RPS6KA2: variants seen among roughly 807,000 people sequenced by gnomAD.
RPS6KA2 encodes the protein ribosomal protein S6 kinase A2, also known as ribosomal protein S6 kinase alpha-2.
In RPS6KA2, 42 loss-of-function variants were observed where a neutral mutation model predicts 91.8. The observed-to-expected ratio is 0.46, with a 90% CI of 0.36 to 0.59. The LOEUF is 0.59. RPS6KA2 is among the 20% of genes least tolerant of loss of function. RPS6KA2 has a pLI of 0.00. For synonymous variants in RPS6KA2, 414 were observed against 393.6 expected (o/e 1.05, Z -0.61); for missense variants, 798 against 978.5 (o/e 0.82, Z 2.46).
rs1779359990 is a variant in RPS6KA2, at chr6:166,437,409, C to T, written c.1333-4919G>A. 6.6e-6 allele frequency among the ~76,000 whole-genome samples: 1 copy of T among 152,190 alleles called. No individual in the cohort carries two copies. Among genetic ancestry groups the T allele is most frequent in the African/African-American group, 2.4e-5 (1 of 41,442 alleles). Reference sequence around the variant, plus strand: ...AAGCGTGGTGATGAACAAGGCCTCCCCTCCAGGCTGACGCTCAAATAATGC... The same window carrying T: ...AAGCGTGGTGATGAACAAGGCCTCCTCTCCAGGCTGACGCTCAAATAATGC... On this transcript the variant is annotated intron_variant, in intron 14 of 20. Transcript: ENST00000265678. This position sits in a 1 kb window ranked among gnomAD's most constrained non-coding sequence, Gnocchi z 4.3.
At chr6:166,619,582 T>G (rs1786550204) in intron 1 of RPS6KA2, among the ~76,000 whole-genome samples, 1 of 152,192 alleles carries the variant, frequency 6.6e-6, no homozygotes, top group Non-Finnish European at 1.5e-5. Context: ...TGGCCTGAAG[T>G]CTTAAGGCTC....
intron 16 of RPS6KA2, among the ~76,000 whole-genome samples, chr6:166,427,256 T>C (rs1363539372): frequency 1.3e-5 from 2 of 151,590 alleles, no homozygotes; most frequent in African/African-American, 4.8e-5. Context: ...CAACAACCCT[T>C]CATGCTAAAA....
At chr6:166,679,866 G>A (rs1039427114) in intron 2 of RPS6KA2, among the ~76,000 whole-genome samples, 4 of 152,238 alleles carry the variant, frequency 2.6e-5, no homozygotes, top group East Asian at 1.9e-4. Context: ...GTTGGCCAGC[G>A]CCTGCTGGGC....
At chr6:166,487,922 T>C (rs1409061247) in intron 10 of RPS6KA2, among the ~76,000 whole-genome samples, 1 of 152,198 alleles carries the variant, frequency 6.6e-6, no homozygotes, top group Non-Finnish European at 1.5e-5. Flanking sequence ...AATGCAAAAG[T>C]TCCCTGCAAT....
intron 2 of RPS6KA2, among the ~76,000 whole-genome samples, chr6:166,738,642 T>G (rs1266178885): frequency 6.6e-6 from 1 of 152,192 alleles, no homozygotes; most frequent in African/African-American, 2.4e-5. Context: ...GTTACCAGTA[T>G]TGTTCCCATT....
rs75168339 is a variant in RPS6KA2, at chr6:166,655,427, C to G, written c.124-116643G>C. Among the ~76,000 whole-genome samples the G allele has an allele frequency of 2.7e-3, 415 of 152,238 alleles. 2 individuals carry two copies. Among genetic ancestry groups the G allele is most frequent in the African/African-American group, 9.7e-3 (404 of 41,508 alleles). On this transcript the variant is annotated intron_variant, in intron 2 of 21. Transcript: ENST00000503859. The stretch of plus-strand genomic sequence containing the variant: ...ATGATGTCATGTGTGCAAAGTAGTA[C>G]AAACAGGTCAGGGAACAAACAGAGC...
At chr6:166,611,024 A>G (rs973378053) in intron 1 of RPS6KA2, among the ~76,000 whole-genome samples, 3 of 152,242 alleles carry the variant, frequency 2.0e-5, no homozygotes, top group African/African-American at 7.2e-5. Flanking sequence ...AAATACCCTG[A>G]AAGGATAAAA....
At chr6:166,541,949 A>G (rs573289164) in intron 1 of RPS6KA2, among the ~76,000 whole-genome samples, 1 of 152,308 alleles carries the variant, frequency 6.6e-6, no homozygotes, top group East Asian at 1.9e-4. Context: ...ACCGCAAAGC[A>G]TCTGAGGCGT....
intron 2 of RPS6KA2, among the ~76,000 whole-genome samples, chr6:166,725,774 C>T (rs1184708123): frequency 4.6e-5 from 7 of 152,208 alleles, no homozygotes; most frequent in East Asian, 3.8e-4. Context: ...TGGACGTTCC[C>T]GACCTGCCCC....
chr6:166,792,642 A>G (rs1779121905), intron 2 of RPS6KA2, among the ~76,000 whole-genome samples: 1 of 152,116 alleles, frequency 6.6e-6, no homozygotes, highest in Non-Finnish European at 1.5e-5. Context: ...AGCACATCAA[A>G]ACTCTTATCC....
At chr6:166,660,137 CT>C (rs1031099497) in intron 2 of RPS6KA2, among the ~76,000 whole-genome samples, 32 of 152,162 alleles carry the variant, frequency 2.1e-4, no homozygotes, top group Non-Finnish European at 3.7e-4. Context: ...CTCTGTTTTA[CT>C]TTTTTTCCAC....
At chr6:166,632,575 C>T (rs1787110765) in intron 2 of RPS6KA2, among the ~76,000 whole-genome samples, 2 of 150,536 alleles carry the variant, frequency 1.3e-5, no homozygotes, top group African/African-American at 4.9e-5. Flanking sequence ...CATACCATTG[C>T]ACTCCAGCCT....
chr6:166,732,686 G>A lies in RPS6KA2; in HGVS notation c.123+125514C>T, dbSNP rs141356299. On this transcript the variant is annotated intron_variant, in intron 2 of 21. Transcript: ENST00000503859. This position sits in a 1 kb window ranked among gnomAD's most constrained non-coding sequence, Gnocchi z 4.0. ...AGGGGATGGAAGCGCAAAGAAGCTC[G>A]GAGCTCCCACAGATGATGTTAGGTG... Among the ~76,000 whole-genome samples the A allele has an allele frequency of 5.9e-5, 9 of 152,324 alleles. No individual in the cohort carries two copies. The highest frequency in any genetic ancestry group is 1.2e-4 in the Non-Finnish European group (8 of 68,028).
chr6:166,643,332 T>C (rs185042318), intron 2 of RPS6KA2, among the ~76,000 whole-genome samples: 162 of 152,264 alleles, frequency 1.1e-3, no homozygotes, highest in Non-Finnish European at 1.9e-3. Context: ...AATTTAGTTA[T>C]AGAAAAACAT....
Position 166,696,244 on chromosome 6 carries a change from T to C in RPS6KA2, c.124-157460A>G, listed in dbSNP as rs573606713. Reference sequence around the variant, plus strand: ...GGGAGAAGCAGCCCCACGTGAGATCTGGGTGGTAGTCTATCAGCTGGGTGC... The same window carrying C: ...GGGAGAAGCAGCCCCACGTGAGATCCGGGTGGTAGTCTATCAGCTGGGTGC... On this transcript the variant is annotated intron_variant, in intron 2 of 21. Coordinates refer to the RPS6KA2 transcript ENST00000503859. 2.6e-4 allele frequency among the ~76,000 whole-genome samples: 39 copies of C among 152,226 alleles called. 1 individual carries two copies. The highest frequency in any genetic ancestry group is 9.1e-4 in the African/African-American group (38 of 41,542).
intron 2 of RPS6KA2, among the ~76,000 whole-genome samples, chr6:166,780,584 C>T (rs1387655630): frequency 1.3e-5 from 2 of 152,158 alleles, no homozygotes. Flanking sequence ...GCCAGAGGTT[C>T]CCTTCATGGG....
intron 2 of RPS6KA2, among the ~76,000 whole-genome samples, chr6:166,744,599 GGGCCCACCCTGT>G (rs1356292716): frequency 1.3e-5 from 2 of 152,190 alleles, no homozygotes; most frequent in East Asian, 3.9e-4. Flanking sequence ...CCGTGCAGCA[GGGCCCACCCTGT>G]GGGCCAGGCC....
chr6:166,657,198 G>A (rs1193798593), intron 2 of RPS6KA2, among the ~76,000 whole-genome samples: 3 of 152,136 alleles, frequency 2.0e-5, no homozygotes, highest in Non-Finnish European at 1.5e-5. Flanking sequence ...CTGCCTGGGC[G>A]GGCGAGGGCA....
Position 166,445,015 on chromosome 6 carries a change from C to T in RPS6KA2, c.1332+3709G>A, listed in dbSNP as rs766911423. ...TCAGTAGAACCTTAAATGTAGTTTA[C>T]GTTATTCAGGGTAATTATGGTGGCA... On this transcript the variant is annotated intron_variant, in intron 14 of 20. Coordinates refer to ENST00000265678, the MANE Select transcript of RPS6KA2 (RefSeq NM_021135.6). This position sits in a 1 kb window ranked among gnomAD's most constrained non-coding sequence, Gnocchi z 4.5. Among the ~76,000 whole-genome samples the T allele has an allele frequency of 1.3e-5, 2 of 152,094 alleles. No individual in the cohort carries two copies. Among genetic ancestry groups the T allele is most frequent in the South Asian group, 4.1e-4 (2 of 4,828 alleles).
Sources: gnomAD v4.1 joint callset for allele counts (sites outside exome capture counted in the v4.1 genomes callset) on GRCh38, gnomAD v4.1.1 for gene constraint, Gnocchi (gnomAD v3.1) non-coding constraint, MANE v1.5 for transcripts, NCBI Gene and HGNC (gene_info 2026-07-23, HGNC 2026-07-21) for gene names.